Variants in MARCHF1 observed in about 807,000 individuals in gnomAD.
MARCHF1 encodes E3 ubiquitin-protein ligase MARCHF1.
MARCHF1 carries 40 observed loss-of-function variants against 54.2 expected under a neutral mutation model. The observed-to-expected ratio is 0.74, with a 90% CI of 0.57 to 0.96. The LOEUF (loss-of-function observed/expected upper bound fraction) is 0.96, where lower values mean the gene tolerates loss of function less well. Ranked by LOEUF, MARCHF1 falls within the 40% of genes least tolerant of loss-of-function variation. The pLI, the probability that MARCHF1 is intolerant of heterozygous loss-of-function variation, is 0.00. For missense variants in MARCHF1, 586 were observed against 656.5 expected (o/e 0.89, Z 1.17); for synonymous variants, 236 against 236.3 (o/e 1.00, Z 0.01).
intron 4 of MARCHF1, among the ~76,000 whole-genome samples, chr4:163,726,702 T>C (rs1745664255): frequency 6.6e-6 from 1 of 152,258 alleles, no homozygotes; most frequent in African/African-American, 2.4e-5. Flanking sequence ...AAATTGGCAG[T>C]TCCATTTTGC....
At chr4:164,274,079 T>A (rs1330164293) in intron 1 of MARCHF1, among the ~76,000 whole-genome samples, 2 of 152,012 alleles carry the variant, frequency 1.3e-5, no homozygotes, top group African/African-American at 4.8e-5. Flanking sequence ...GAAGAAAATG[T>A]CTCCGGCAAT....
At chr4:163,694,353 T>C (rs1368687243) in intron 5 of MARCHF1, among the ~76,000 whole-genome samples, 2 of 152,178 alleles carry the variant, frequency 1.3e-5, no homozygotes, top group African/African-American at 4.8e-5. Context: ...TCCCTTTGGC[T>C]TCTTGGACAG....
intron 1 of MARCHF1, among the ~76,000 whole-genome samples, chr4:164,298,192 C>G (rs1196589494): frequency 6.6e-6 from 1 of 152,080 alleles, no homozygotes. Flanking sequence ...CTGCCCACTA[C>G]TAAATAGTAT....
intron 3 of MARCHF1, among the ~76,000 whole-genome samples, chr4:163,967,163 C>A (rs1054223196): frequency 6.6e-6 from 1 of 152,042 alleles, no homozygotes; most frequent in African/African-American, 2.4e-5. Flanking sequence ...CCTTGTATAC[C>A]ACGATAAGGA....
In MARCHF1 at chr4:164,176,978, C is replaced by CTATATA. The variant is rs1225209896; in HGVS notation, c.-322-65317_-322-65316insTATATA. On this transcript the variant is annotated intron_variant, in intron 1 of 9. Transcript: ENST00000514618. ...TCTCTCTCTCTCTCTCTCTCTCTCT[C>CTATATA]TCTATATATATATATATATATATAT... Among the ~76,000 whole-genome samples the CTATATA allele has an allele frequency of 2.6e-4, 10 of 38,876 alleles. No homozygotes were observed. In the East Asian group the frequency reaches 3.0e-3, roughly 12 times the overall value. 25.5% of individuals were successfully genotyped at this position (38,876 alleles called of 152,430 possible).
At chr4:164,359,454 C>T (rs368935108) in intron 1 of MARCHF1, among the ~76,000 whole-genome samples, 1 of 152,164 alleles carries the variant, frequency 6.6e-6, no homozygotes, top group Non-Finnish European at 1.5e-5. Context: ...AGAAGAGAGA[C>T]ATTTCCTATG....
intron 4 of MARCHF1, among the ~76,000 whole-genome samples, chr4:163,704,989 G>T (rs1744908867): frequency 6.6e-6 from 1 of 151,442 alleles, no homozygotes; most frequent in East Asian, 1.9e-4. Flanking sequence ...TATATAAAAA[G>T]AATGCTACAT....
At chr4:164,114,456 T>C (rs1380430601) in intron 1 of MARCHF1, among the ~76,000 whole-genome samples, 2 of 151,894 alleles carry the variant, frequency 1.3e-5, no homozygotes, top group African/African-American at 2.4e-5. Context: ...CAAAAATAAG[T>C]ATTAATGAAG....
intron 3 of MARCHF1, among the ~76,000 whole-genome samples, chr4:163,972,199 G>A (rs866299524): frequency 3.9e-5 from 6 of 152,088 alleles, no homozygotes; most frequent in Admixed American, 6.5e-5. Context: ...AGCCTATCAG[G>A]GGGTGGGGAG....
intron 3 of MARCHF1, among the ~76,000 whole-genome samples, chr4:163,974,340 A>G (rs1752607869): frequency 6.6e-6 from 1 of 152,324 alleles, no homozygotes; most frequent in African/African-American, 2.4e-5. Flanking sequence ...AAATTGGACT[A>G]TTCTGAGATC....
At chr4:164,244,755 A>T (rs1360762539) in intron 1 of MARCHF1, among the ~76,000 whole-genome samples, 1 of 152,188 alleles carries the variant, frequency 6.6e-6, no homozygotes, top group Non-Finnish European at 1.5e-5. Context: ...AATAGATGCA[A>T]TAAAAAATGA....
chr4:164,301,143 C>T (rs981706021), intron 1 of MARCHF1, among the ~76,000 whole-genome samples: 21 of 151,940 alleles, frequency 1.4e-4, no homozygotes, highest in African/African-American at 5.1e-4. Context: ...AAACGAGAGA[C>T]ATTTAAGTTT....
At chr4:163,850,195 C>T (rs1749604132) in intron 4 of MARCHF1, among the ~76,000 whole-genome samples, 2 of 152,126 alleles carry the variant, frequency 1.3e-5, no homozygotes, top group South Asian at 2.1e-4. Flanking sequence ...CCACCACCAC[C>T]CCAGATGTAT....
chr4:163,856,767 T>G, intron 3 of MARCHF1, among the ~76,000 whole-genome samples: 1 of 152,092 alleles, frequency 6.6e-6, no homozygotes, highest in Admixed American at 6.6e-5. Flanking sequence ...TCCCAGCACT[T>G]TGGGAGGCCG....
In MARCHF1 at chr4:163,525,796, AG is replaced by A. The variant is rs1457794717; in HGVS notation, c.*2951del. The A allele has an allele frequency of 6.6e-6, 1 of 152,024 alleles. No individual in the cohort carries two copies. 9.4% of individuals were successfully genotyped at this position (152,024 alleles called of 1,614,324 possible). ...TCCGTAGAGCAGTTTTTCTTTTTGA[AG>A]GGTATAGTCAGTCAGTCTACAAAAA... On this transcript the variant is annotated 3_prime_UTR_variant, in exon 10 of 10. Transcript: ENST00000514618.
In MARCHF1 at chr4:163,897,929, C is replaced by T. The variant is rs565755603; in HGVS notation, c.-38-43760G>A. On this transcript the variant is annotated intron_variant, in intron 3 of 9. Coordinates refer to ENST00000514618, the MANE Select transcript of MARCHF1 (RefSeq NM_001394959.1). ...CTAAAAAATTAGCCAGGCATGGTGGCGGGCGCCTGTAGTCCCAGCTACTTG... is the reference window on the plus strand; with the variant it reads ...CTAAAAAATTAGCCAGGCATGGTGGTGGGCGCCTGTAGTCCCAGCTACTTG... Among the ~76,000 whole-genome samples, 349 of 151,612 alleles carry T rather than the reference C, an allele frequency of 2.3e-3. 2 individuals are homozygous for T. The highest frequency in any genetic ancestry group is 7.6e-3 in the African/African-American group (314 of 41,354).
At chr4:164,078,279 C>G (rs1755020529) in intron 2 of MARCHF1, among the ~76,000 whole-genome samples, 2 of 152,050 alleles carry the variant, frequency 1.3e-5, no homozygotes, top group Non-Finnish European at 1.5e-5. Flanking sequence ...AACACAAGAA[C>G]AGAAAACCAA....
At chr4:164,039,981 AT>A (rs1408222595) in intron 2 of MARCHF1, among the ~76,000 whole-genome samples, 10 of 147,454 alleles carry the variant, frequency 6.8e-5, no homozygotes, top group South Asian at 2.1e-4. Context: ...ATATATATAT[AT>A]ATAAACTATA....
At chr4:163,835,423 G>T (rs2111112195) in intron 4 of MARCHF1, among the ~76,000 whole-genome samples, 1 of 152,300 alleles carries the variant, frequency 6.6e-6, no homozygotes, top group South Asian at 2.1e-4. Context: ...TGTACAACGT[G>T]AACTATAGCA....
Sources: allele counts gnomAD v4.1 joint callset (sites outside exome capture counted in the v4.1 genomes callset), GRCh38; gene constraint gnomAD v4.1.1; transcripts MANE v1.5; gene names NCBI Gene and HGNC (gene_info 2026-07-23, HGNC 2026-07-21).